Variants in ATF7IP2 observed in about 807,000 individuals in gnomAD.
The protein encoded by ATF7IP2 is activating transcription factor 7 interacting protein 2, also known as activating transcription factor 7-interacting protein 2.
Under a neutral mutation model 64.2 loss-of-function variants are expected in ATF7IP2, and 42 were observed. The ratio of observed to expected loss-of-function variants is 0.65; its 90% confidence interval spans 0.51 to 0.85. The LOEUF (loss-of-function observed/expected upper bound fraction) is 0.85, where lower values mean the gene tolerates loss of function less well. ATF7IP2 is among the 40% of genes least tolerant of loss of function. The probability of loss-of-function intolerance (pLI) is 0.00; values close to 1 mark genes in which losing one functional copy is unlikely to be tolerated. For missense variants in ATF7IP2, 933 were observed against 784.2 expected (o/e 1.19, Z -2.27); for synonymous variants, 308 against 272.8 (o/e 1.13, Z -1.27).
chr16:10,395,047 C>G (rs1013443858), intron 1 of ATF7IP2, among the ~76,000 whole-genome samples: 19 of 151,654 alleles, frequency 1.3e-4, no homozygotes, highest in Admixed American at 1.2e-3. Flanking sequence ...TTTTCTTAAA[C>G]GATCAAGAAA....
chr16:10,418,204 A>G lies in ATF7IP2; in HGVS notation c.-202-1377A>G, dbSNP rs865846053. On this transcript the variant is annotated intron_variant, in intron 2 of 13. Transcript: ENST00000562102. ...TGCAGCAGGTATATGTCCTTAAGGCACAGACACTCATGCTATTGTTTGTGG... is the reference window on the plus strand; with the variant it reads ...TGCAGCAGGTATATGTCCTTAAGGCGCAGACACTCATGCTATTGTTTGTGG... Among the ~76,000 whole-genome samples the G allele has an allele frequency of 3.7e-4, 56 of 152,372 alleles. 1 individual carries two copies. Among genetic ancestry groups the G allele is most frequent in the South Asian group, 4.1e-4 (2 of 4,830 alleles).
chr16:10,421,051 G>A (rs921796080), intron 3 of ATF7IP2, among the ~76,000 whole-genome samples: 1 of 152,186 alleles, frequency 6.6e-6, no homozygotes, highest in African/African-American at 2.4e-5. Flanking sequence ...AGCTAAATGA[G>A]TTTGCCAAGT....
At chr16:10,474,039 C>T (rs1206950430) in intron 12 of ATF7IP2, 50 bp downstream of exon 12, 1 of 1,232,790 alleles carries the variant, frequency 8.1e-7, no homozygotes, top group Non-Finnish European at 1.2e-6. Flanking sequence ...GGAAGGGTAA[C>T]AACTCATAAT....
At chr16:10,416,377 T>C (rs961204526) in intron 2 of ATF7IP2, among the ~76,000 whole-genome samples, 2 of 152,216 alleles carry the variant, frequency 1.3e-5, no homozygotes, top group African/African-American at 4.8e-5. Context: ...TTCTCACTTA[T>C]TTGTGGGAGC....
intron 2 of ATF7IP2, among the ~76,000 whole-genome samples, chr16:10,417,492 T>A (rs1164982897): frequency 6.6e-6 from 1 of 152,164 alleles, no homozygotes; most frequent in African/African-American, 2.4e-5. Flanking sequence ...AACATGATCA[T>A]TATTTAATGA....
intron 13 of ATF7IP2, among the ~76,000 whole-genome samples, chr16:10,481,255 G>A (rs1410751460): frequency 2.0e-5 from 3 of 152,178 alleles, no homozygotes; most frequent in Admixed American, 6.5e-5. Flanking sequence ...TTTTGAGACC[G>A]AATCTTGCCC....
intron 8 of ATF7IP2, among the ~76,000 whole-genome samples, chr16:10,452,316 C>T (rs949529544): frequency 6.6e-6 from 1 of 152,166 alleles, no homozygotes; most frequent in Non-Finnish European, 1.5e-5. Context: ...AGTGGACGTC[C>T]TTTTTGTTGA....
intron 3 of ATF7IP2, among the ~76,000 whole-genome samples, chr16:10,425,934 T>C (rs909677084): frequency 4.6e-5 from 7 of 151,976 alleles, no homozygotes; most frequent in Non-Finnish European, 1.0e-4. Context: ...GACAACATTA[T>C]ATTCAGTGGG....
At chr16:10,423,866 T>C (rs572787411) in intron 3 of ATF7IP2, among the ~76,000 whole-genome samples, 5 of 152,322 alleles carry the variant, frequency 3.3e-5, no homozygotes, top group African/African-American at 9.6e-5. Context: ...CAGGGATTGC[T>C]TAAGAGTACT....
intron 9 of ATF7IP2, among the ~76,000 whole-genome samples, chr16:10,470,819 GTGTGTATATATATATATA>G (rs1472127927): frequency 2.1e-5 from 3 of 144,970 alleles, no homozygotes; most frequent in African/African-American, 5.4e-5. Flanking sequence ...ATATATGTGT[GTGTGTATATATATATATA>G]TGTGTGTGTA....
chr16:10,467,194 T>TA (rs778731834), intron 9 of ATF7IP2, among the ~76,000 whole-genome samples: 13 of 152,302 alleles, frequency 8.5e-5, no homozygotes, highest in Non-Finnish European at 1.9e-4. Flanking sequence ...TCTGAAAGCT[T>TA]AGACTGTTTG....
intron 9 of ATF7IP2, among the ~76,000 whole-genome samples, chr16:10,458,633 C>G (rs1207058881): frequency 6.6e-6 from 1 of 151,836 alleles, no homozygotes; most frequent in Non-Finnish European, 1.5e-5. Flanking sequence ...AATATTTAAG[C>G]AAGAAATAAC....
At chr16:10,464,114 T>C (rs1401846023) in intron 9 of ATF7IP2, among the ~76,000 whole-genome samples, 1 of 152,242 alleles carries the variant, frequency 6.6e-6, no homozygotes, top group East Asian at 1.9e-4. Context: ...AAGTTATGGC[T>C]GCCACCACAG....
At chr16:10,394,995 A>T (rs1333708765) in intron 1 of ATF7IP2, among the ~76,000 whole-genome samples, 4 of 152,212 alleles carry the variant, frequency 2.6e-5, no homozygotes, top group African/African-American at 9.6e-5. Context: ...TAGTGTGGAA[A>T]TTAATAGAAT....
intron 3 of ATF7IP2, among the ~76,000 whole-genome samples, chr16:10,420,830 C>T (rs1320267513): frequency 6.6e-6 from 1 of 152,146 alleles, no homozygotes; most frequent in East Asian, 1.9e-4. Context: ...ACAAGCTCTG[C>T]TTTTTGAGCT....
At position 10,434,849 on chromosome 16, in the gene ATF7IP2, G is replaced by A. The variant is rs115619517; in HGVS notation, c.960+1200G>A. On this transcript the variant is annotated intron_variant, in intron 6 of 13. Transcript: ENST00000562102. Reference sequence around the variant, plus strand: ...GTCTCACTTTGTCACCCAGACTGGAGTGCAGTGGCACAGTCTCGGCTCAGT... The same window carrying A: ...GTCTCACTTTGTCACCCAGACTGGAATGCAGTGGCACAGTCTCGGCTCAGT... Among the ~76,000 whole-genome samples the A allele has an allele frequency of 5.3e-3, 800 of 152,298 alleles. 10 individuals are homozygous for A. The highest frequency in any genetic ancestry group is 0.018 in the African/African-American group (751 of 41,552).
intron 12 of ATF7IP2, among the ~76,000 whole-genome samples, chr16:10,474,348 C>G (rs1277802427): frequency 6.7e-6 from 1 of 149,290 alleles, no homozygotes; most frequent in Non-Finnish European, 1.5e-5. Flanking sequence ...TAGTGTGTTC[C>G]TCTTTATTGC....
At chr16:10,446,946 A>T (rs112914132) in intron 8 of ATF7IP2, 1 of 151,248 alleles carries the variant, frequency 6.6e-6, no homozygotes, top group African/African-American at 2.4e-5. Context: ...CTGCCCCCCA[A>T]CCACTGGAGG....
intron 2 of ATF7IP2, among the ~76,000 whole-genome samples, chr16:10,418,272 G>C (rs976753034): frequency 6.6e-6 from 1 of 152,198 alleles, no homozygotes. Flanking sequence ...GGTGGGCCAG[G>C]TGTTCCTTGC....
Sources: gnomAD v4.1 joint callset for allele counts (sites outside exome capture counted in the v4.1 genomes callset) on GRCh38, gnomAD v4.1.1 for gene constraint, MANE v1.5 for transcripts, NCBI Gene and HGNC (gene_info 2026-07-23, HGNC 2026-07-21) for gene names.